PPFIBP2: variants seen among roughly 807,000 people sequenced by gnomAD.
PPFIBP2 encodes liprin-beta-2.
Under a neutral mutation model 118.3 loss-of-function variants are expected in PPFIBP2, and 118 were observed. The ratio of observed to expected loss-of-function variants is 1.00; its 90% CI spans 0.86 to 1.16. The LOEUF (loss-of-function observed/expected upper bound fraction) is 1.16. Ranked by LOEUF, PPFIBP2 falls within the 50% of genes most tolerant of loss-of-function variation. The pLI, the probability that PPFIBP2 is intolerant of heterozygous loss-of-function variation, is 0.00. For synonymous variants in PPFIBP2, 414 were observed against 397.4 expected (o/e 1.04, Z -0.50); for missense variants, 1,195 against 1,073.1 (o/e 1.11, Z -1.59).
intron 1 of PPFIBP2, among the ~76,000 whole-genome samples, chr11:7,533,191 C>T (rs762336850): frequency 5.9e-5 from 9 of 152,170 alleles, no homozygotes; most frequent in Non-Finnish European, 1.3e-4. Flanking sequence ...ATGCCAGGCC[C>T]AAGCGTAAGT....
At chr11:7,530,224 G>A (rs539515351) in intron 1 of PPFIBP2, among the ~76,000 whole-genome samples, 3 of 152,252 alleles carry the variant, frequency 2.0e-5, no homozygotes, top group Non-Finnish European at 2.9e-5. Flanking sequence ...TTAACCCTCT[G>A]ACTAACCCTG....
rs546235838 is a variant in PPFIBP2 at position 7,609,016 on chromosome 11, T to C, written c.487-1275T>C. On this transcript the variant is annotated intron_variant, in intron 5 of 23. Coordinates refer to ENST00000299492, the MANE Select transcript of PPFIBP2 (RefSeq NM_003621.5). ...CCAGAGCTCGGGGAGCTCATTATGC[T>C]GAGTTGCTGGGCTTCAAGAGAGATA... 1.5e-4 allele frequency among the ~76,000 whole-genome samples: 23 copies of C among 152,328 alleles called. No homozygotes were observed. In the South Asian group the frequency reaches 4.8e-3, roughly 32 times the overall value.
intron 14 of PPFIBP2, 96 bp downstream of exon 14, chr11:7,635,689 C>T: frequency 1.5e-6 from 2 of 1,374,774 alleles, no homozygotes; most frequent in South Asian, 1.2e-5. Flanking sequence ...TTAAAATGTG[C>T]CAACTGTAAG....
At chr11:7,611,259 T>C (rs1461360054) in intron 6 of PPFIBP2, among the ~76,000 whole-genome samples, 4 of 152,244 alleles carry the variant, frequency 2.6e-5, no homozygotes, top group African/African-American at 9.6e-5. Flanking sequence ...GATAACTGTG[T>C]GGTAAAGTCC....
chr11:7,665,756 G>A, the PPFIBP2 span: 1 of 1,357,086 alleles, frequency 7.4e-7, no homozygotes, highest in Non-Finnish European at 1.0e-6. Context: ...CTCACTGCAG[G>A]GACCCTGAAG....
chr11:7,564,602 C>T (rs565318725), intron 2 of PPFIBP2, among the ~76,000 whole-genome samples: 111 of 152,284 alleles, frequency 7.3e-4, no homozygotes, highest in South Asian at 2.1e-3. Context: ...AAACTACCAT[C>T]GTTTCTTTGT....
intron 1 of PPFIBP2, among the ~76,000 whole-genome samples, chr11:7,523,668 C>T (rs1849969608): frequency 6.6e-6 from 1 of 152,184 alleles, no homozygotes; most frequent in African/African-American, 2.4e-5. Context: ...ACCACTAATG[C>T]ATCTCCAGGA....
chr11:7,539,685 C>T (rs560688120), intron 1 of PPFIBP2, among the ~76,000 whole-genome samples: 38 of 152,212 alleles, frequency 2.5e-4, no homozygotes, highest in Middle Eastern at 3.4e-3. Context: ...CGAGGGGGAC[C>T]CAGTCAGAAG....
intron 3 of PPFIBP2, among the ~76,000 whole-genome samples, chr11:7,590,476 T>C (rs1011288259): frequency 8.5e-5 from 13 of 152,180 alleles, no homozygotes; most frequent in African/African-American, 3.1e-4. Context: ...ACACCACTGC[T>C]GTATGGACCA....
chr11:7,665,883 G>T, the PPFIBP2 span: 4 of 1,536,182 alleles, frequency 2.6e-6, no homozygotes, highest in South Asian at 3.6e-5. Context: ...GTGGCCTGGT[G>T]TTAGTGGAAC....
intron 1 of PPFIBP2, among the ~76,000 whole-genome samples, chr11:7,533,009 G>C (rs1171179152): frequency 6.7e-6 from 1 of 149,364 alleles, no homozygotes; most frequent in Admixed American, 6.7e-5. Context: ...CCAGCTAATA[G>C]AGAAAACTTA....
chr11:7,629,565 C>CT (rs764874302), intron 10 of PPFIBP2, 31 bp downstream of exon 10: 2 of 1,603,672 alleles, frequency 1.2e-6, no homozygotes, highest in Non-Finnish European at 1.7e-6. Flanking sequence ...ACCGTTGTCT[C>CT]TGAAAGATAT....
intron 1 of PPFIBP2, among the ~76,000 whole-genome samples, chr11:7,534,787 A>T (rs1851054202): frequency 6.6e-6 from 1 of 152,198 alleles, no homozygotes; most frequent in African/African-American, 2.4e-5. Context: ...CCAGACACCA[A>T]TTTAATTTAC....
the PPFIBP2 span, chr11:7,665,881 G>A: frequency 2.0e-6 from 3 of 1,536,150 alleles, no homozygotes; most frequent in Middle Eastern, 1.7e-4. Context: ...GTGTGGCCTG[G>A]TGTTAGTGGA....
At chr11:7,574,939 A>C (rs901565426) in intron 3 of PPFIBP2, among the ~76,000 whole-genome samples, 3 of 152,196 alleles carry the variant, frequency 2.0e-5, no homozygotes, top group Non-Finnish European at 2.9e-5. Flanking sequence ...AATGTCAAGA[A>C]TTTAGCTGCA....
At chr11:7,655,242 C>T (rs1854571745), downstream of PPFIBP2, among the ~76,000 whole-genome samples, 2 of 152,208 alleles carry the variant, frequency 1.3e-5, no homozygotes, top group South Asian at 4.1e-4. Context: ...TGATGCCTTT[C>T]CCCAGGAAAC....
intron 2 of PPFIBP2, among the ~76,000 whole-genome samples, chr11:7,564,165 C>CAA (rs199904165): frequency 7.6e-6 from 1 of 131,530 alleles, no homozygotes; most frequent in Non-Finnish European, 1.6e-5. Context: ...GACTCCGTCT[C>CAA]AAAAAAAAAA....
At chr11:7,662,302 T>A in the PPFIBP2 span, among the ~76,000 whole-genome samples, 2 of 152,236 alleles carry the variant, frequency 1.3e-5, no homozygotes, top group Non-Finnish European at 2.9e-5. Flanking sequence ...TTCCTTTCCA[T>A]GTTTAGCACT....
At chr11:7,654,446 G>A (rs1361979553), downstream of PPFIBP2, among the ~76,000 whole-genome samples, 1 of 152,210 alleles carries the variant, frequency 6.6e-6, no homozygotes, top group East Asian at 1.9e-4. Flanking sequence ...TGATGGCCTG[G>A]GCACGGCCTG....
Sources: allele counts gnomAD v4.1 joint callset (sites outside exome capture counted in the v4.1 genomes callset), GRCh38; gene constraint gnomAD v4.1.1; transcripts MANE v1.5; gene names NCBI Gene and HGNC (gene_info 2026-07-23, HGNC 2026-07-21).